The following TBC1D1 variants were observed in gnomAD, a reference collection of about 807,000 sequenced individuals.
TBC1D1 encodes TBC1 (tre-2/USP6, BUB2, cdc16) domain family, member 1.
In TBC1D1, 89 loss-of-function variants were observed where a neutral mutation model predicts 125.6. The observed-to-expected ratio is 0.71, with a 90% confidence interval of 0.60 to 0.85. TBC1D1 has a LOEUF of 0.85. Among genes scored for constraint, TBC1D1 ranks in the 40% least tolerant of loss-of-function variants. The pLI is 0.00. For missense variants in TBC1D1, 1,377 were observed against 1,469.2 expected (o/e 0.94, Z 1.03); for synonymous variants, 565 against 564.1 (o/e 1.00, Z -0.02).
In TBC1D1 at chr4:37,995,132, C is replaced by G. The variant is rs1206277867; in HGVS notation, c.418-19377C>G. On this transcript the variant is annotated intron_variant, in intron 2 of 19. Transcript: ENST00000261439. This position sits in a 1 kb window ranked among gnomAD's most constrained non-coding sequence, Gnocchi z 4.3. Reference sequence around the variant, plus strand: ...TAAGAGTACTGCAGTTTGTTTCCTTCGATACTGACACAACAGCCCTCGGGA... The same window carrying G: ...TAAGAGTACTGCAGTTTGTTTCCTTGGATACTGACACAACAGCCCTCGGGA... Among the ~76,000 whole-genome samples, 1 of 152,054 alleles carries G rather than the reference C, an allele frequency of 6.6e-6. No homozygotes were observed. The highest frequency in any genetic ancestry group is 2.4e-5 in the African/African-American group (1 of 41,376).
intron 2 of TBC1D1, among the ~76,000 whole-genome samples, chr4:37,908,323 A>C (rs1158050193): frequency 1.3e-5 from 2 of 152,098 alleles, no homozygotes; most frequent in Non-Finnish European, 2.9e-5. Context: ...CTCCTGTTTC[A>C]GACTCCTGAG....
At chr4:38,108,593 G>T (rs1761719375) in intron 15 of TBC1D1, among the ~76,000 whole-genome samples, 1 of 152,212 alleles carries the variant, frequency 6.6e-6, no homozygotes, top group Non-Finnish European at 1.5e-5. Context: ...TACCAGACAT[G>T]TTTGGCATGC....
chr4:38,108,962 G>A (rs899999279), intron 15 of TBC1D1, among the ~76,000 whole-genome samples: 2 of 152,184 alleles, frequency 1.3e-5, no homozygotes, highest in Non-Finnish European at 2.9e-5. Flanking sequence ...GCGGTGGGCT[G>A]CCTCGCTCGG....
chr4:37,931,227 C>T (rs2152288949), intron 2 of TBC1D1, among the ~76,000 whole-genome samples: 1 of 151,924 alleles, frequency 6.6e-6, no homozygotes, highest in Non-Finnish European at 1.5e-5. Flanking sequence ...CTCACCCTCC[C>T]AAGGAACTGC....
At chr4:37,959,317 A>G (rs891543706) in intron 2 of TBC1D1, among the ~76,000 whole-genome samples, 12 of 152,246 alleles carry the variant, frequency 7.9e-5, no homozygotes, top group Admixed American at 7.2e-4. Flanking sequence ...CTGTATTCTC[A>G]CAATAAAGTA....
intron 2 of TBC1D1, among the ~76,000 whole-genome samples, chr4:37,954,546 A>G (rs1439385887): frequency 6.6e-6 from 1 of 152,200 alleles, no homozygotes; most frequent in African/African-American, 2.4e-5. Flanking sequence ...AATTAATATC[A>G]GTCACAGGTA....
chr4:38,070,671 T>G (rs1754551569), intron 12 of TBC1D1, among the ~76,000 whole-genome samples: 1 of 152,166 alleles, frequency 6.6e-6, no homozygotes, highest in South Asian at 2.1e-4. Flanking sequence ...GAGATTATAG[T>G]ATGTAAAAAA....
intron 2 of TBC1D1, among the ~76,000 whole-genome samples, chr4:37,956,772 C>T (rs1443499327): frequency 6.6e-6 from 1 of 151,920 alleles, no homozygotes; most frequent in African/African-American, 2.4e-5. Flanking sequence ...CACAGTGAAA[C>T]CCCATGTCTA....
At chr4:38,076,088 A>C (rs536646362) in intron 12 of TBC1D1, among the ~76,000 whole-genome samples, 2 of 152,272 alleles carry the variant, frequency 1.3e-5, no homozygotes, top group African/African-American at 4.8e-5. Context: ...CATACCTGAG[A>C]CTGGGTAATT....
chr4:37,994,452 C>T (rs1332324372), intron 2 of TBC1D1, among the ~76,000 whole-genome samples: 1 of 152,064 alleles, frequency 6.6e-6, no homozygotes, highest in Non-Finnish European at 1.5e-5. Context: ...ACTGTGTTGC[C>T]CAGGCTGGTC....
Position 38,048,711 on chromosome 4 carries a change from G to T in TBC1D1, c.1630-907G>T, listed in dbSNP as rs532572452. Among the ~76,000 whole-genome samples, 4 of 152,120 alleles carry T rather than the reference G, an allele frequency of 2.6e-5. No homozygotes were observed. The South Asian group carries it at 8.3e-4, about 32-fold the overall frequency. ...TTCTCTTCCAACAATTTCAATAGGA[G>T]CAAGCTGCTACAATTCCTCTTTTTG... is the stretch of plus-strand genomic sequence containing the variant. On this transcript the variant is annotated intron_variant, in intron 10 of 19. Transcript: ENST00000261439.
In TBC1D1 at chr4:37,977,638, G is replaced by A; in HGVS notation, c.418-36871G>A. On this transcript the variant is annotated intron_variant, in intron 2 of 19. Transcript: ENST00000261439. The surrounding 1 kb of genome is among the most constrained non-coding windows in gnomAD (Gnocchi z 4.3). ...TGGGCCGGGCCGCTGGAGGCCAGGC[G>A]CGGCGGGGGGCGAGCGGCGGGCGCG... 4.6e-6 allele frequency: 1 copy of A among 219,568 alleles called. No individual in the cohort carries two copies. Among genetic ancestry groups the A allele is most frequent in the Non-Finnish European group, 7.9e-6 (1 of 127,136 alleles). 13.6% of individuals were successfully genotyped at this position (219,568 alleles called of 1,614,324 possible).
At chr4:38,101,230 T>G (rs1425533021) in intron 14 of TBC1D1, among the ~76,000 whole-genome samples, 1 of 152,240 alleles carries the variant, frequency 6.6e-6, no homozygotes, top group East Asian at 1.9e-4. Context: ...CTGGACAGGC[T>G]GTCTGAGTGG....
At chr4:37,965,631 C>G (rs944873845) in intron 2 of TBC1D1, among the ~76,000 whole-genome samples, 5 of 152,224 alleles carry the variant, frequency 3.3e-5, no homozygotes, top group Non-Finnish European at 1.5e-5. Context: ...CCAGGAGCAT[C>G]GGGGCTCTTG....
At chr4:37,941,906 T>G (rs1725654616) in intron 2 of TBC1D1, among the ~76,000 whole-genome samples, 1 of 152,242 alleles carries the variant, frequency 6.6e-6, no homozygotes, top group Non-Finnish European at 1.5e-5. Context: ...TTATAATTTC[T>G]GTTCTTTTAC....
At chr4:38,118,238 A>G in intron 17 of TBC1D1, 46 bp downstream of exon 19, 1 of 1,600,590 alleles carries the variant, frequency 6.2e-7, no homozygotes, top group South Asian at 1.1e-5. Context: ...TTCTCTTATT[A>G]GAGGGGAAAC....
chr4:37,945,397 C>A (rs1319603088), intron 2 of TBC1D1, among the ~76,000 whole-genome samples: 2 of 151,574 alleles, frequency 1.3e-5, no homozygotes, highest in African/African-American at 4.8e-5. Context: ...CCTGTAGTCC[C>A]AGCTACTTGG....
intron 11 of TBC1D1, 101 bp downstream of exon 12, chr4:38,052,161 G>A: frequency 5.8e-6 from 7 of 1,198,708 alleles, no homozygotes; most frequent in Non-Finnish European, 8.2e-6. Context: ...GCAGGAAGCA[G>A]AGCCACTGTG....
chr4:38,042,243 G>C (rs995965893), intron 8 of TBC1D1, among the ~76,000 whole-genome samples: 2 of 151,986 alleles, frequency 1.3e-5, no homozygotes, highest in Non-Finnish European at 2.9e-5. Flanking sequence ...TTTTTTGATT[G>C]TCTGGTTTAC....
Sources: allele counts gnomAD v4.1 joint callset (sites outside exome capture counted in the v4.1 genomes callset), GRCh38; gene constraint gnomAD v4.1.1; non-coding constraint Gnocchi (gnomAD v3.1); transcripts MANE v1.5; gene names NCBI Gene and HGNC (gene_info 2026-07-23, HGNC 2026-07-21).